Variants in MUC4 observed in about 807,000 individuals in gnomAD.
The protein encoded by MUC4 is mucin-4.
In MUC4, 202 loss-of-function variants were observed where a neutral mutation model predicts 257.9. That is an observed-to-expected ratio of 0.78 (90% CI 0.70 to 0.88). The LOEUF is 0.88. Among genes scored for constraint, MUC4 ranks in the 40% least tolerant of loss-of-function variants. The pLI is 0.00. For missense variants in MUC4, 5,976 were observed against 6,513.7 expected (o/e 0.92, Z 2.84); for synonymous variants, 2,351 against 2,757.1 (o/e 0.85, Z 4.62).
intron 1 of MUC4, among the ~76,000 whole-genome samples, chr3:195,801,328 C>A (rs1578476462): frequency 6.6e-6 from 1 of 151,216 alleles, no homozygotes; most frequent in African/African-American, 2.4e-5. Flanking sequence ...AGAAACAGGT[C>A]TCTCCTCTCT....
chr3:195,769,042 C>T lies in MUC4; in HGVS notation c.13509G>A (p.Pro4503=), dbSNP rs370452669. The change falls in exon 7 of 25, where the codon CCG becomes CCA. Residue 4503 remains proline (P), a synonymous_variant. Transcript: ENST00000463781. Reference sequence around the variant, plus strand: ...CCTACCTAGAGAAGCCCATGAGCACCGGGTTGCCTGAGCGCTGGGCCACGT... The same window carrying T: ...CCTACCTAGAGAAGCCCATGAGCACTGGGTTGCCTGAGCGCTGGGCCACGT... ...QWDVAQRSGN[P]VLMGFSSGDG... 55 of 1,613,636 alleles carry T rather than the reference C, an allele frequency of 3.4e-5. No homozygotes were observed. The highest frequency in any genetic ancestry group is 5.0e-5 in the Admixed American group (3 of 59,994).
At chr3:195,808,698 T>A (rs1006628643) in intron 1 of MUC4, among the ~76,000 whole-genome samples, 11 of 152,240 alleles carry the variant, frequency 7.2e-5, no homozygotes, top group Non-Finnish European at 1.5e-4. Flanking sequence ...CAGCCCCTGC[T>A]CTTCCCTGTG....
intron 7 of MUC4, among the ~76,000 whole-genome samples, chr3:195,767,653 A>AT: frequency 1.1e-5 from 1 of 93,230 alleles, no homozygotes; most frequent in African/African-American, 7.6e-5. Flanking sequence ...CGCCACCACC[A>AT]CCACCACCAC....
chr3:195,761,018 C>T lies in MUC4; in HGVS notation c.14714G>A (p.Trp4905Ter), dbSNP rs1718776485. Residue 4905 changes from tryptophan (W) to a stop codon, truncating the protein, a stop_gained, in exon 16 of 25, where the codon TGG (tryptophan) becomes TAG (stop). Transcript: ENST00000463781. LOFTEE classifies it high-confidence loss of function. The part of the protein sequence containing the change: ...FYSQLQKNSS[W>*]AEHLISNCDG... ...ACAGTTGGAGATCAAATGTTCAGCC[C>T]AGGAGCTGTTTTTTTGCAGTTGTGA... is the stretch of plus-strand genomic sequence containing the variant. 6.2e-7 allele frequency: 1 copy of T among 1,614,180 alleles called. No homozygotes were observed. Among genetic ancestry groups the T allele is most frequent in the Admixed American group, 1.7e-5 (1 of 60,024 alleles).
intron 1 of MUC4, among the ~76,000 whole-genome samples, chr3:195,801,920 A>C: frequency 6.8e-6 from 1 of 147,138 alleles, no homozygotes; most frequent in African/African-American, 2.5e-5. Context: ...CGGGCCCTCC[A>C]CTCCACTCCC....
rs1560233710 is a variant in MUC4 at position 195,757,948 on chromosome 3, G to T, written c.14987-620C>A. Reference sequence around the variant, plus strand: ...TCGTCCTTCAGGGGTGGGGCCCGTGGAGAAGAAAACCTCTCAGTGCCATTG... The same window carrying T: ...TCGTCCTTCAGGGGTGGGGCCCGTGTAGAAGAAAACCTCTCAGTGCCATTG... On this transcript the variant is annotated intron_variant, in intron 17 of 24. Coordinates refer to ENST00000463781, the MANE Select transcript of MUC4 (RefSeq NM_018406.7). The surrounding 1 kb of genome is among the most constrained non-coding windows in gnomAD (Gnocchi z 4.8). Among the ~76,000 whole-genome samples the T allele has an allele frequency of 6.6e-6, 1 of 152,214 alleles. No individual in the cohort carries two copies. Among genetic ancestry groups the T allele is most frequent in the Non-Finnish European group, 1.5e-5 (1 of 68,036 alleles).
At position 195,785,683 on chromosome 3, in the gene MUC4, G is replaced by A. The variant is rs566422076; in HGVS notation, c.5897C>T (p.Ala1966Val). 2.7e-6 allele frequency: 4 copies of A among 1,483,462 alleles called. No individual in the cohort carries two copies. Among genetic ancestry groups the A allele is most frequent in the African/African-American group, 1.4e-5 (1 of 70,646 alleles). The allele number at this position is 1,483,462 out of a possible 1,614,324, so 91.9% of individuals were successfully genotyped here. Residue 1966 changes from alanine (A) to valine (V), a missense_variant, in exon 2 of 25, where the codon GCC (alanine) becomes GTC (valine). Ala to Val is a moderately conservative substitution (Grantham distance 64). This residue lies in a region of MUC4 where 87 missense variants were observed against 104.6 expected (regional missense o/e 0.83). Transcript: ENST00000463781. ...AGCGTCGGTGACAGGAAGAGAGGTG[G>A]CGTGACCTGTGGGTACTGAGGAAGC... ...TDASSVPTGHATSLPVTDASS... is the reference protein window; with the variant it reads ...TDASSVPTGHVTSLPVTDASS...
Position 195,779,998 on chromosome 3 carries a change from C to G in MUC4, c.11582G>C (p.Ser3861Thr). The change falls in exon 2 of 25, where the codon AGC (serine) becomes ACC (threonine). Residue 3861 changes from serine to threonine, a missense_variant. Coordinates refer to ENST00000463781, the MANE Select transcript of MUC4 (RefSeq NM_018406.7). ...GTGACCTGTGGATGCTGAGGAAGGG[C>G]TAGTGACAGGAAGAGGCATGGTGTC... ...TGDTMPLPVT[S>T]PSSASTGHAT... 6.3e-6 allele frequency: 8 copies of G among 1,260,188 alleles called. 2 individuals are homozygous for G. Among genetic ancestry groups the G allele is most frequent in the East Asian group, 5.4e-5 (2 of 37,082 alleles). 78.1% of individuals were successfully genotyped at this position (1,260,188 alleles called of 1,614,324 possible). A position where few individuals can be genotyped will look rare whatever the true frequency, so the allele number is the denominator to read the frequency against.
rs182789472 is a variant in MUC4 at position 195,778,783 on chromosome 3, C to A, written c.12790+7G>T. The A allele has an allele frequency of 8.1e-6, 13 of 1,604,458 alleles. No homozygotes were observed. Among genetic ancestry groups the A allele is most frequent in the Non-Finnish European group, 1.0e-5 (12 of 1,174,742 alleles). On this transcript the variant is annotated splice_region_variant and intron_variant, in intron 2 of 24. Coordinates refer to ENST00000463781, the MANE Select transcript of MUC4 (RefSeq NM_018406.7). ...GGAGACATAAAGGCGAGGCAGTTGG[C>A]AGCTACCTGGTGTTTCCATCTTCAG...
intron 1 of MUC4, among the ~76,000 whole-genome samples, chr3:195,799,271 G>T (rs1426405568): frequency 6.6e-6 from 1 of 151,402 alleles, no homozygotes; most frequent in East Asian, 1.9e-4. Flanking sequence ...GACACTGTGT[G>T]TGTGTGTCCC....
intron 6 of MUC4, 123 bp downstream of exon 6, chr3:195,770,093 G>A (rs1722470275): frequency 3.0e-6 from 3 of 1,012,730 alleles, no homozygotes; most frequent in East Asian, 6.0e-5. Context: ...CGGTGGGGGG[G>A]CTTGCTATAA....
Position 195,787,156 on chromosome 3 carries a change from A to G in MUC4, c.4424T>C (p.Val1475Ala). ...TGTGGATACTGAGGAAGTGTCGGTG[A>G]CAAGAAGAGAGGTGGCCTGACCTGT... ...ASTGQATSLL[V>A]TDTSSVSTGD... The change falls in exon 2 of 25, where the codon GTC becomes GCC. Residue 1475 changes from valine (V) to alanine (A), a missense_variant. Around this residue, in one of 44 missense-constraint regions of MUC4, gnomAD observed 19 missense variants for 83.2 expected, o/e 0.23. Coordinates refer to ENST00000463781, the MANE Select transcript of MUC4 (RefSeq NM_018406.7). The G allele has an allele frequency of 9.5e-7, 1 of 1,051,824 alleles. No homozygotes were observed. Among genetic ancestry groups the G allele is most frequent in the Non-Finnish European group, 1.3e-6 (1 of 763,752 alleles). 65.2% of individuals were successfully genotyped at this position (1,051,824 alleles called of 1,614,324 possible).
rs531955487 is a variant in MUC4, at chr3:195,780,015, C to A, written c.11565G>T (p.Met3855Ile). The change falls in exon 2 of 25, where the codon ATG becomes ATT. Residue 3855 changes from methionine (M) to isoleucine (I), a missense_variant. Met to Ile is a conservative substitution (Grantham distance 10, BLOSUM62 1). This residue lies in a region of MUC4 where 330 missense variants were observed against 262.0 expected (regional missense o/e 1.26). Transcript: ENST00000463781. ...IPSSVSTGDT[M>I]PLPVTSPSSA... ...AGGAAGGGCTAGTGACAGGAAGAGG[C>A]ATGGTGTCACCTGTGGATACTGAGG... The A allele has an allele frequency of 1.6e-4, 178 of 1,115,796 alleles. 34 individuals carry two copies. The African/African-American group carries it at 7.7e-3, about 48-fold the overall frequency. 69.1% of individuals were successfully genotyped at this position (1,115,796 alleles called of 1,614,324 possible). A position where few individuals can be genotyped will look rare whatever the true frequency, so the allele number is the denominator to read the frequency against.
At position 195,755,866 on chromosome 3, in the gene MUC4, T is replaced by C. The variant is rs1428089402; in HGVS notation, c.15168+1281A>G. Among the ~76,000 whole-genome samples, 1 of 152,146 alleles carries C rather than the reference T, an allele frequency of 6.6e-6. No individual in the cohort carries two copies. Among genetic ancestry groups the C allele is most frequent in the Non-Finnish European group, 1.5e-5 (1 of 68,024 alleles). ...TCAGAAGGATGTGTGTGTGTGTCTGTGTGTGCGTGTGCATGCGTGTGTGTG... is the reference window on the plus strand; with the variant it reads ...TCAGAAGGATGTGTGTGTGTGTCTGCGTGTGCGTGTGCATGCGTGTGTGTG... On this transcript the variant is annotated intron_variant, in intron 18 of 24. Coordinates refer to ENST00000463781, the MANE Select transcript of MUC4 (RefSeq NM_018406.7). This position sits in a 1 kb window ranked among gnomAD's most constrained non-coding sequence, Gnocchi z 5.0.
chr3:195,769,169 G>C lies in MUC4; in HGVS notation c.13399-17C>G. ...GGTGTTGCTCTGGGGGTGGGTGGAA[G>C]AAAACACAGGGATGCCCGTGAGAGA... On this transcript the variant is annotated splice_polypyrimidine_tract_variant and intron_variant, in intron 6 of 24. Transcript: ENST00000463781. 1 of 1,613,676 alleles carries C rather than the reference G, an allele frequency of 6.2e-7. No homozygotes were observed.
In MUC4 at chr3:195,788,446, C is replaced by G. The variant is rs1219815133; in HGVS notation, c.3134G>C (p.Ser1045Thr). ...GTCACCTGTGGATGCTGAGGAAAAG[C>G]TGGTGACAGGAAGAGGGGTGACGTG... ...TGHVTPLPVT[S>T]FSSASTGDST... The change falls in exon 2 of 25, where the codon AGC (serine) becomes ACC (threonine). Residue 1045 changes from serine (S) to threonine (T), a missense_variant. Physicochemically the swap from Ser to Thr is moderately conservative, Grantham distance 58 (BLOSUM62 1). Coordinates refer to ENST00000463781, the MANE Select transcript of MUC4 (RefSeq NM_018406.7). The G allele has an allele frequency of 3.4e-6, 5 of 1,484,994 alleles. No individual in the cohort carries two copies. Among genetic ancestry groups the G allele is most frequent in the African/African-American group, 3.3e-5 (2 of 60,000 alleles). The allele number at this position is 1,484,994 out of a possible 1,614,324, so 92.0% of individuals were successfully genotyped here.
In MUC4 at chr3:195,762,945, C is replaced by A; in HGVS notation, c.14254G>T (p.Val4752Phe). ...TCGTGAGGCTCAAGGAGCCATTGGA[C>A]CTGGAAGGAGATGGGAGGGGGCCTG... is the stretch of plus-strand genomic sequence containing the variant. Reference protein sequence around the residue: ...YRSSSLGPVTVQWLLEPHDAI... With the variant: ...YRSSSLGPVTFQWLLEPHDAI... The change falls in exon 13 of 25, where the codon GTC becomes TTC. Residue 4752 changes from valine to phenylalanine, a missense_variant and splice_region_variant. Around this residue, in one of 44 missense-constraint regions of MUC4, gnomAD observed 996 missense variants for 1,137.3 expected, o/e 0.88. Transcript: ENST00000463781. 6.4e-7 allele frequency: 1 copy of A among 1,556,226 alleles called. No individual in the cohort carries two copies. Among genetic ancestry groups the A allele is most frequent in the Non-Finnish European group, 8.7e-7 (1 of 1,151,468 alleles).
chr3:195,772,030 C>T (rs903293470), intron 4 of MUC4, among the ~76,000 whole-genome samples: 8 of 152,192 alleles, frequency 5.3e-5, no homozygotes, highest in African/African-American at 1.9e-4. Context: ...CTTGCGTCCT[C>T]GGGTGGTAGG....
chr3:195,778,737 A>T, intron 2 of MUC4, 53 bp downstream of exon 2: 1 of 1,526,480 alleles, frequency 6.6e-7, no homozygotes, highest in Non-Finnish European at 8.9e-7. Flanking sequence ...CTTAGGCTGA[A>T]TTCCGCCAAG....
Sources: allele counts gnomAD v4.1 joint callset (sites outside exome capture counted in the v4.1 genomes callset), GRCh38; gene constraint gnomAD v4.1.1; regional missense constraint gnomAD v4.1.1; non-coding constraint Gnocchi (gnomAD v3.1); transcripts MANE v1.5; gene names NCBI Gene and HGNC (gene_info 2026-07-23, HGNC 2026-07-21).